The following SPATA9 variants were observed in gnomAD, a reference collection of about 807,000 sequenced individuals.
The protein encoded by SPATA9 is spermatogenesis associated 9.
Under a neutral mutation model 25.5 loss-of-function variants are expected in SPATA9, and 27 were observed. The observed-to-expected ratio is 1.06, with a 90% CI of 0.78 to 1.46. SPATA9 has a LOEUF of 1.46. SPATA9 is among the 40% of genes most tolerant of loss of function. SPATA9 has a pLI of 0.00. For missense variants in SPATA9, 282 were observed against 297.5 expected, an observed-to-expected ratio of 0.95 and a Z score of 0.38; for synonymous variants, 102 against 105.7, an observed-to-expected ratio of 0.97 and a Z score of 0.21.
At chr5:95,708,485 A>G in the SPATA9 span, 5 of 689,476 alleles carry the variant, frequency 7.3e-6, no homozygotes, top group Non-Finnish European at 1.3e-5. Flanking sequence ...GAGTTATAGA[A>G]TGAAGATCTG....
chr5:95,725,417 A>G, the SPATA9 span, among the ~76,000 whole-genome samples: 3 of 152,268 alleles, frequency 2.0e-5, no homozygotes, highest in Non-Finnish European at 4.4e-5. Context: ...TCATTACAAA[A>G]GCCAGGCTCA....
the SPATA9 span, among the ~76,000 whole-genome samples, chr5:95,705,822 T>A: frequency 6.6e-6 from 1 of 152,184 alleles, no homozygotes; most frequent in Non-Finnish European, 1.5e-5. Context: ...AAAGAGTTGG[T>A]CAAAATCTAT....
chr5:95,704,207 G>A, the SPATA9 span, among the ~76,000 whole-genome samples: 1 of 152,162 alleles, frequency 6.6e-6, no homozygotes. Flanking sequence ...TGCAACCCCT[G>A]AATGCAATAT....
chr5:95,702,058 T>TAC (rs1048157050), upstream of SPATA9, among the ~76,000 whole-genome samples: 32 of 152,336 alleles, frequency 2.1e-4, no homozygotes, highest in Admixed American at 3.3e-4. Context: ...CATTTCATGA[T>TAC]ACCAAAATTC....
Position 95,658,919 on chromosome 5 carries a change from C to T in SPATA9, c.475-6G>A. 1.9e-6 allele frequency: 3 copies of T among 1,579,872 alleles called. No homozygotes were observed. The highest frequency in any genetic ancestry group is 1.7e-6 in the Non-Finnish European group (2 of 1,167,056). On this transcript the variant is annotated splice_region_variant and splice_polypyrimidine_tract_variant and intron_variant, in intron 4 of 4. Transcript: ENST00000274432. ...ACAGCATTAACACAGACTGCCTATA[C>T]AATAAAAAGAGTTTGTAAAGTGAAG...
the SPATA9 span, among the ~76,000 whole-genome samples, chr5:95,726,307 C>T: frequency 6.6e-6 from 1 of 152,056 alleles, no homozygotes; most frequent in Admixed American, 6.5e-5. Context: ...TGCTTTTTGA[C>T]TTTCATTTTT....
the SPATA9 span, among the ~76,000 whole-genome samples, chr5:95,723,115 A>G: frequency 6.6e-6 from 1 of 152,322 alleles, no homozygotes; most frequent in African/African-American, 2.4e-5. Context: ...CCTGGGCCAC[A>G]CTGGAAGAAA....
At chr5:95,675,784 T>A in intron 2 of SPATA9, 145 bp from the exon 3 acceptor site, 1 of 554,724 alleles carries the variant, frequency 1.8e-6, no homozygotes, top group Non-Finnish European at 3.1e-6. Flanking sequence ...TGTCCCCCCA[T>A]GAAACCCCTT....
chr5:95,654,507 A>G (rs1049124941), downstream of SPATA9: 7 of 657,096 alleles, frequency 1.1e-5, no homozygotes, highest in Non-Finnish European at 1.8e-5. Context: ...AATGAGAAAT[A>G]TGCTTATCTT....
chr5:95,656,087 A>C, downstream of SPATA9: 1 of 1,613,730 alleles, frequency 6.2e-7, no homozygotes, highest in South Asian at 1.1e-5. Context: ...CCTGGCATAA[A>C]TACAAAATTA....
chr5:95,680,178 C>G (rs550701979), intron 2 of SPATA9, among the ~76,000 whole-genome samples: 1 of 152,134 alleles, frequency 6.6e-6, no homozygotes, highest in Non-Finnish European at 1.5e-5. Context: ...GATTACAGGC[C>G]TGAGCCACCG....
chr5:95,653,961 C>A, downstream of SPATA9: 1 of 866,180 alleles, frequency 1.2e-6, no homozygotes, highest in Non-Finnish European at 1.8e-6. Flanking sequence ...CTCCATTAAT[C>A]TTGAAAAGTC....
chr5:95,656,229 A>G, downstream of SPATA9: 2 of 1,613,622 alleles, frequency 1.2e-6, no homozygotes, highest in Admixed American at 1.7e-5. Flanking sequence ...TATTTATGTG[A>G]CTCTTTCTAA....
chr5:95,692,701 A>G (rs891422014), intron 1 of SPATA9, among the ~76,000 whole-genome samples: 1 of 152,044 alleles, frequency 6.6e-6, no homozygotes, highest in African/African-American at 2.4e-5. Flanking sequence ...TTTTGCTCCA[A>G]GGACTATCTT....
At chr5:95,700,659 C>T (rs779946974), upstream of SPATA9, among the ~76,000 whole-genome samples, 26 of 152,186 alleles carry the variant, frequency 1.7e-4, 1 homozygote, top group Middle Eastern at 3.4e-3. Flanking sequence ...AACTCCTGGC[C>T]TCAGCGATCT....
At chr5:95,702,891 A>C (rs1341178443), upstream of SPATA9, among the ~76,000 whole-genome samples, 3 of 152,200 alleles carry the variant, frequency 2.0e-5, no homozygotes. Context: ...AAAAAAACAA[A>C]AATAAAAAAG....
Position 95,658,691 on chromosome 5 carries a change from G to C in SPATA9, c.697C>G (p.Gln233Glu). The C allele has an allele frequency of 6.2e-7, 1 of 1,613,670 alleles. No individual in the cohort carries two copies. Among genetic ancestry groups the C allele is most frequent in the Non-Finnish European group, 8.5e-7 (1 of 1,179,854 alleles). ...TGTAAAACTTGGATGTTATTACTCT[G>C]CTTATTAGCAAGAAGCTTGGGGTAA... ...SDYPKLLANKQSNNIQVLHSV... is the reference protein window; with the variant it reads ...SDYPKLLANKESNNIQVLHSV... The change falls in exon 5 of 5, where the codon CAG becomes GAG. Residue 233 changes from glutamine (Q) to glutamate (E), a missense_variant. By Grantham distance (29) the Gln-to-Glu change is conservative. Transcript: ENST00000274432.
downstream of SPATA9, chr5:95,656,908 AAC>A (rs1444293548): frequency 1.3e-5 from 2 of 152,204 alleles, no homozygotes; most frequent in Admixed American, 1.3e-4. Flanking sequence ...CTTCCTAAAT[AAC>A]AGACTTTTTA....
At chr5:95,698,667 C>T (rs1341595821) in exon 1 of SPATA9, 1 of 152,168 alleles carries the variant, frequency 6.6e-6, no homozygotes, top group African/African-American at 2.4e-5. Context: ...AGAGGAAAAG[C>T]AGCTGACCAA....
Sources: gnomAD v4.1 joint callset for allele counts (sites outside exome capture counted in the v4.1 genomes callset) on GRCh38, gnomAD v4.1.1 for gene constraint, MANE v1.5 for transcripts, NCBI Gene and HGNC (gene_info 2026-07-23, HGNC 2026-07-21) for gene names.